The following FSAF1 variants were observed in gnomAD, a reference collection of about 807,000 sequenced individuals.
FSAF1 encodes 40S small subunit processome assembly factor 1, also known as uncharacterized protein C1orf131.
the FSAF1 span, chr1:231,237,896 T>C: frequency 6.6e-6 from 1 of 152,204 alleles, no homozygotes. Flanking sequence ...ATTAAAAACA[T>C]TTGGGGCCAG....
the FSAF1 span, among the ~76,000 whole-genome samples, chr1:231,231,670 C>T: frequency 1.3e-5 from 2 of 152,142 alleles, no homozygotes; most frequent in East Asian, 1.9e-4. Context: ...GATTTCAGCA[C>T]AGTAATAAAA....
chr1:231,236,675 G>A, the FSAF1 span: 1 of 152,336 alleles, frequency 6.6e-6, no homozygotes, highest in South Asian at 2.1e-4. Flanking sequence ...ACTGAAGTCT[G>A]AGACATTTGA....
chr1:231,240,196 T>A, the FSAF1 span, among the ~76,000 whole-genome samples: 2 of 152,222 alleles, frequency 1.3e-5, no homozygotes, highest in Non-Finnish European at 1.5e-5. This position sits in a 1 kb window ranked among gnomAD's most constrained non-coding sequence, Gnocchi z 4.1. Context: ...GAAAATTAAA[T>A]GAGCAAATAC....
the FSAF1 span, chr1:231,224,584 C>G: frequency 1.6e-6 from 1 of 612,208 alleles, no homozygotes; most frequent in South Asian, 2.4e-5. Context: ...CTACTGCCTT[C>G]CTGCCTCAGG....
chr1:231,226,753 C>T, the FSAF1 span: 8 of 1,606,116 alleles, frequency 5.0e-6, no homozygotes, highest in Non-Finnish European at 6.8e-6. Flanking sequence ...CTCTTTTCTT[C>T]TTCCTTTGCT....
the FSAF1 span, among the ~76,000 whole-genome samples, chr1:231,240,754 G>T: frequency 6.6e-6 from 1 of 152,106 alleles, no homozygotes; most frequent in Non-Finnish European, 1.5e-5. This position sits in a 1 kb window ranked among gnomAD's most constrained non-coding sequence, Gnocchi z 4.1. Context: ...CTTTTAAATC[G>T]GAAAGCCTTG....
chr1:231,238,890 T>C, the FSAF1 span: 1 of 1,613,966 alleles, frequency 6.2e-7, no homozygotes, highest in Non-Finnish European at 8.5e-7. Context: ...GCGTCAATTT[T>C]CTTTTTTTAT....
the FSAF1 span, among the ~76,000 whole-genome samples, chr1:231,229,903 G>A: frequency 6.6e-6 from 1 of 152,280 alleles, no homozygotes; most frequent in Admixed American, 6.5e-5. Flanking sequence ...GCTGAGAAGA[G>A]TTCTGAAGAT....
the FSAF1 span, chr1:231,229,092 A>G: frequency 1.2e-5 from 12 of 1,037,848 alleles, no homozygotes; most frequent in Non-Finnish European, 1.5e-5. Flanking sequence ...ATACATTTAT[A>G]AACAAATACT....
chr1:231,224,012 A>G, the FSAF1 span: 1 of 338,692 alleles, frequency 3.0e-6, no homozygotes, highest in African/African-American at 2.1e-5. Flanking sequence ...TGAACATGAA[A>G]CAGGAGTGAA....
the FSAF1 span, among the ~76,000 whole-genome samples, chr1:231,231,676 T>A: frequency 6.6e-6 from 1 of 152,128 alleles, no homozygotes; most frequent in Non-Finnish European, 1.5e-5. Context: ...AGCACAGTAA[T>A]AAAATTCTTG....
At chr1:231,227,096 A>G in the FSAF1 span, 1 of 1,608,888 alleles carries the variant, frequency 6.2e-7, no homozygotes. Context: ...AATCAGACGC[A>G]AGTGCATTCC....
At chr1:231,241,110 A>G in the FSAF1 span, 2 of 1,613,538 alleles carry the variant, frequency 1.2e-6, no homozygotes, top group East Asian at 4.5e-5. Context: ...CTCCTGCGAC[A>G]TTGTGGGGTC....
the FSAF1 span, chr1:231,226,808 A>AT: frequency 1.9e-6 from 3 of 1,609,168 alleles, no homozygotes; most frequent in Non-Finnish European, 2.6e-6. Flanking sequence ...TGTAATTCAC[A>AT]TAACTCTTTT....
At chr1:231,229,883 G>A in the FSAF1 span, among the ~76,000 whole-genome samples, 4 of 152,144 alleles carry the variant, frequency 2.6e-5, no homozygotes, top group Admixed American at 6.5e-5. Context: ...CATCAGCATC[G>A]GTTCGGCAAG....
the FSAF1 span, chr1:231,225,316 C>A: frequency 4.5e-6 from 3 of 663,498 alleles, no homozygotes; most frequent in East Asian, 2.6e-5. Context: ...TGATCTTGGG[C>A]AGTTTACTAA....
At chr1:231,240,647 C>A in the FSAF1 span, among the ~76,000 whole-genome samples, 1 of 151,984 alleles carries the variant, frequency 6.6e-6, no homozygotes, top group South Asian at 2.1e-4. This position sits in a 1 kb window ranked among gnomAD's most constrained non-coding sequence, Gnocchi z 4.1. Flanking sequence ...GGCCCCAGAG[C>A]GAAATGACAC....
At chr1:231,232,882 TAGAG>T in the FSAF1 span, among the ~76,000 whole-genome samples, 1 of 152,160 alleles carries the variant, frequency 6.6e-6, no homozygotes, top group Non-Finnish European at 1.5e-5. Flanking sequence ...TGTCTCCAAT[TAGAG>T]AGAGAGTAGC....
the FSAF1 span, chr1:231,226,428 C>G: frequency 2.4e-6 from 1 of 408,808 alleles, no homozygotes; most frequent in African/African-American, 2.0e-5. Flanking sequence ...GCTTTCCATG[C>G]AGTCTGCAGA....
Sources: allele counts gnomAD v4.1 joint callset (sites outside exome capture counted in the v4.1 genomes callset), GRCh38; gene constraint gnomAD v4.1.1; non-coding constraint Gnocchi (gnomAD v3.1); transcripts MANE v1.5; gene names NCBI Gene and HGNC (gene_info 2026-07-23, HGNC 2026-07-21).